Variants in CATSPERE observed in about 807,000 individuals in gnomAD.
CATSPERE encodes cation channel sperm-associated auxiliary subunit epsilon.
CATSPERE carries 93 observed loss-of-function variants against 114.1 expected under a neutral mutation model. The ratio of observed to expected loss-of-function variants is 0.81; its 90% CI spans 0.69 to 0.97. The LOEUF (loss-of-function observed/expected upper bound fraction) is 0.97. Ranked by LOEUF, CATSPERE falls within the 50% of genes least tolerant of loss-of-function variation. The pLI, the probability that CATSPERE is intolerant of heterozygous loss-of-function variation, is 0.00. For missense variants in CATSPERE, 1,058 were observed against 1,131.6 expected (o/e 0.93, Z 0.93); for synonymous variants, 341 against 384.1 (o/e 0.89, Z 1.31).
At chr1:244,496,491 G>C (rs1308604763) in intron 6 of CATSPERE, among the ~76,000 whole-genome samples, 1 of 152,022 alleles carries the variant, frequency 6.6e-6, no homozygotes, top group Non-Finnish European at 1.5e-5. Context: ...TATCTGATTT[G>C]AATCTGAAAG....
rs575359135 is a variant in CATSPERE at position 244,472,515 on chromosome 1, A to T, written c.115-5026A>T. On this transcript the variant is annotated intron_variant, in intron 2 of 21. Transcript: ENST00000366534. ...AGAGCAGTTTTAGGTTCATAGAAAAATGGGCAAACAGTATAGAGAGATCCC... is the reference window on the plus strand; with the variant it reads ...AGAGCAGTTTTAGGTTCATAGAAAATTGGGCAAACAGTATAGAGAGATCCC... Among the ~76,000 whole-genome samples, 9 of 152,294 alleles carry T rather than the reference A, an allele frequency of 5.9e-5. No homozygotes were observed. In the South Asian group the frequency reaches 1.9e-3, roughly 32 times the overall value.
intron 9 of CATSPERE, among the ~76,000 whole-genome samples, chr1:244,553,622 C>CACACATATATACAT (rs1661086685): frequency 4.2e-5 from 6 of 141,300 alleles, no homozygotes; most frequent in Non-Finnish European, 9.0e-5. Flanking sequence ...CACACACACA[C>CACACATATATACAT]ACACACACAC....
At chr1:244,621,051 A>AATATATATAAATATATATAAAAT (rs1672069809) in intron 20 of CATSPERE, among the ~76,000 whole-genome samples, 3 of 75,396 alleles carry the variant, frequency 4.0e-5, no homozygotes, top group African/African-American at 2.3e-4. Flanking sequence ...TATATATATA[A>AATATATATAAATATATATAAAAT]ATATATATAA....
In CATSPERE at chr1:244,561,076, C is replaced by T; in HGVS notation, c.1438C>T (p.Gln480Ter). The T allele has an allele frequency of 6.2e-7, 1 of 1,611,910 alleles. No individual in the cohort carries two copies. Among genetic ancestry groups the T allele is most frequent in the Non-Finnish European group, 8.5e-7 (1 of 1,178,448 alleles). Residue 480 changes from glutamine to a stop codon, truncating the protein, a stop_gained, in exon 10 of 22, where the codon CAG (glutamine) becomes TAG (stop). Transcript: ENST00000366534. LOFTEE classifies it high-confidence loss of function. ...YHNFTFTGIL[Q>*]TPAGHGNLSM... ...TAATTTCACCTTTACTGGGATTTTA[C>T]AGACACCTGCAGGACATGGAAATCT...
chr1:244,504,129 G>A lies in CATSPERE; in HGVS notation c.429+5050G>A, dbSNP rs1006437514. Among the ~76,000 whole-genome samples the A allele has an allele frequency of 2.6e-5, 4 of 151,964 alleles. No individual in the cohort carries two copies. The highest frequency in any genetic ancestry group is 7.3e-5 in the African/African-American group (3 of 41,358). On this transcript the variant is annotated intron_variant, in intron 7 of 21. Coordinates refer to ENST00000366534, the MANE Select transcript of CATSPERE (RefSeq NM_001130957.2). The surrounding 1 kb of genome is among the most constrained non-coding windows in gnomAD (Gnocchi z 4.1). ...ATGTGGGACAGTTAAATATTCCTCT[G>A]TTCACCATGTTTAACAAATAAAAGA...
chr1:244,569,534 G>C (rs1664138487), intron 10 of CATSPERE, among the ~76,000 whole-genome samples: 1 of 151,890 alleles, frequency 6.6e-6, no homozygotes, highest in African/African-American at 2.4e-5. Context: ...GAGGGAGTTT[G>C]GTATTTAGAA....
chr1:244,477,753 G>A (rs1669594293), intron 3 of CATSPERE, 139 bp downstream of exon 3: 30 of 912,594 alleles, frequency 3.3e-5, no homozygotes, highest in Middle Eastern at 5.3e-4. Context: ...ACAAAATCAG[G>A]TCGAATATAG....
intron 8 of CATSPERE, among the ~76,000 whole-genome samples, chr1:244,536,942 T>A (rs1275647896): frequency 6.6e-6 from 1 of 152,186 alleles, no homozygotes; most frequent in African/African-American, 2.4e-5. Context: ...GGAGTTTTTT[T>A]TTTTTCTGTT....
chr1:244,480,775 A>G (rs1009744795), intron 5 of CATSPERE, among the ~76,000 whole-genome samples: 3 of 152,206 alleles, frequency 2.0e-5, no homozygotes, highest in African/African-American at 7.2e-5. Flanking sequence ...AAGCCCCACC[A>G]GGAGTACACA....
intron 10 of CATSPERE, among the ~76,000 whole-genome samples, chr1:244,564,747 CT>C (rs749677986): frequency 6.6e-6 from 1 of 152,172 alleles, no homozygotes; most frequent in Non-Finnish European, 1.5e-5. Context: ...ATTTCTTTCT[CT>C]TGCCTGATTG....
chr1:244,625,810 A>G (rs1386273520), intron 20 of CATSPERE, among the ~76,000 whole-genome samples: 1 of 150,850 alleles, frequency 6.6e-6, no homozygotes, highest in Non-Finnish European at 1.5e-5. Context: ...TCTGGTTTCA[A>G]ACTCCTGGGC....
rs559593347 is a variant in CATSPERE, at chr1:244,490,474, A to G, written c.351+3A>G. On this transcript the variant is annotated splice_donor_region_variant and intron_variant, in intron 6 of 21. Coordinates refer to ENST00000366534, the MANE Select transcript of CATSPERE (RefSeq NM_001130957.2). ...ATTTCTTTAACAACTTTACCCAGGT[A>G]AAATATTTTTTAAATTTTGTATAGC... The G allele has an allele frequency of 4.0e-6, 6 of 1,512,400 alleles. No individual in the cohort carries two copies. The highest frequency in any genetic ancestry group is 1.4e-5 in the African/African-American group (1 of 72,450). 93.7% of individuals were successfully genotyped at this position (1,512,400 alleles called of 1,614,324 possible). A position where few individuals can be genotyped will look rare whatever the true frequency, so the allele number is the denominator to read the frequency against.
intron 20 of CATSPERE, among the ~76,000 whole-genome samples, chr1:244,619,394 TA>T (rs756437516): frequency 1.8e-4 from 28 of 152,252 alleles, no homozygotes; most frequent in Non-Finnish European, 3.5e-4. Flanking sequence ...ACAGGATATT[TA>T]AAGGTGACTG....
At chr1:244,490,120 A>G (rs1443634854) in intron 5 of CATSPERE, among the ~76,000 whole-genome samples, 2 of 152,192 alleles carry the variant, frequency 1.3e-5, no homozygotes, top group African/African-American at 2.4e-5. Context: ...TGTTAAAATC[A>G]TATGAGGACT....
At chr1:244,593,360 G>A (rs368838441) in intron 15 of CATSPERE, 35 bp from the exon 16 acceptor site, 866 of 1,608,084 alleles carry the variant, frequency 5.4e-4, no homozygotes, top group Non-Finnish European at 6.8e-4. Flanking sequence ...TTTGAAAAGA[G>A]GAAAGAGAAA....
intron 20 of CATSPERE, among the ~76,000 whole-genome samples, chr1:244,635,166 A>T (rs1408028076): frequency 1.3e-5 from 2 of 152,202 alleles, no homozygotes; most frequent in African/African-American, 4.8e-5. Context: ...AATAAGTATT[A>T]ATACTCATAA....
At chr1:244,566,398 C>G (rs905497136) in intron 10 of CATSPERE, among the ~76,000 whole-genome samples, 1 of 151,932 alleles carries the variant, frequency 6.6e-6, no homozygotes, top group East Asian at 1.9e-4. Context: ...TCTCTCTCGT[C>G]GATCTGTCTG....
rs200764051 is a variant in CATSPERE at position 244,578,902 on chromosome 1, TG to T, written c.1951-2893del. Among the ~76,000 whole-genome samples, 698 of 149,516 alleles carry T rather than the reference TG, an allele frequency of 4.7e-3. 6 individuals are homozygous for T. The highest frequency in any genetic ancestry group is 0.016 in the African/African-American group (663 of 40,594). On this transcript the variant is annotated intron_variant, in intron 11 of 21. Coordinates refer to ENST00000366534, the MANE Select transcript of CATSPERE (RefSeq NM_001130957.2). ...ACATTTTTTTTCATTTCTCTTTTTT[TG>T]TTTTGTTCTGTTTTTCAATTTTCCC...
chr1:244,557,551 ATAT>A (rs1661804338), intron 9 of CATSPERE, among the ~76,000 whole-genome samples: 1 of 48,952 alleles, frequency 2.0e-5, no homozygotes, highest in Admixed American at 2.1e-4. Flanking sequence ...ATATATATAT[ATAT>A]ATATATATAT....
Sources: gnomAD v4.1 joint callset for allele counts (sites outside exome capture counted in the v4.1 genomes callset) on GRCh38, gnomAD v4.1.1 for gene constraint, Gnocchi (gnomAD v3.1) non-coding constraint, MANE v1.5 for transcripts, NCBI Gene and HGNC (gene_info 2026-07-23, HGNC 2026-07-21) for gene names.